The following TENM3 variants were observed in gnomAD, a reference collection of about 807,000 sequenced individuals.
TENM3 encodes teneurin transmembrane protein 3.
Under a neutral mutation model 255.1 loss-of-function variants are expected in TENM3, and 63 were observed. The observed-to-expected ratio is 0.25, with a 90% CI of 0.20 to 0.30. The LOEUF (loss-of-function observed/expected upper bound fraction) is 0.30. TENM3 is among the 10% of genes least tolerant of loss of function. The pLI is 1.00. For synonymous variants in TENM3, 1,306 were observed against 1,322.3 expected (o/e 0.99, Z 0.27); for missense variants, 2,929 against 3,461.1 (o/e 0.85, Z 3.86).
At chr4:181,652,895 G>C in the TENM3 span, among the ~76,000 whole-genome samples, 1 of 152,068 alleles carries the variant, frequency 6.6e-6, no homozygotes, top group Non-Finnish European at 1.5e-5. Flanking sequence ...TGTGACCTTT[G>C]CCAAGATCTT....
chr4:182,676,575 A>G (rs1258139698), intron 7 of TENM3, among the ~76,000 whole-genome samples: 1 of 152,236 alleles, frequency 6.6e-6, no homozygotes, highest in Non-Finnish European at 1.5e-5. Context: ...CATAGATTCT[A>G]AGAACTCATC....
chr4:182,500,053 C>T (rs926653256), intron 3 of TENM3, among the ~76,000 whole-genome samples: 7 of 152,158 alleles, frequency 4.6e-5, no homozygotes, highest in Non-Finnish European at 1.0e-4. Flanking sequence ...GTTTATATAA[C>T]CATCAAAATA....
intron 1 of TENM3, among the ~76,000 whole-genome samples, chr4:182,195,023 T>TCACA (rs70954299): frequency 0.059 from 8,644 of 146,920 alleles, 273 homozygotes; most frequent in Non-Finnish European, 0.078. Flanking sequence ...ACAGTCTCTA[T>TCACA]CACACACACA....
chr4:182,535,735 A>G (rs913226967), intron 3 of TENM3, among the ~76,000 whole-genome samples: 3 of 151,460 alleles, frequency 2.0e-5, no homozygotes, highest in Admixed American at 1.3e-4. Context: ...GTGAGACCCT[A>G]TGTCAAAAAA....
At chr4:182,191,972 A>T (rs1753552048) in intron 1 of TENM3, among the ~76,000 whole-genome samples, 1 of 152,212 alleles carries the variant, frequency 6.6e-6, no homozygotes, top group Non-Finnish European at 1.5e-5. Context: ...AGATGCAGCA[A>T]AGTATGGTCC....
At chr4:181,954,216 A>C in the TENM3 span, among the ~76,000 whole-genome samples, 1 of 152,174 alleles carries the variant, frequency 6.6e-6, no homozygotes, top group Non-Finnish European at 1.5e-5. Context: ...TCTACTGTGC[A>C]TAGAGTTGCT....
chr4:181,724,471 A>G, the TENM3 span, among the ~76,000 whole-genome samples: 1 of 152,070 alleles, frequency 6.6e-6, no homozygotes, highest in Non-Finnish European at 1.5e-5. Context: ...CATTTCTGCC[A>G]TCATATTTGT....
chr4:181,929,126 G>T, the TENM3 span, among the ~76,000 whole-genome samples: 1 of 151,986 alleles, frequency 6.6e-6, no homozygotes, highest in Non-Finnish European at 1.5e-5. Flanking sequence ...TCAACCAACT[G>T]GCAAAATAAC....
chr4:181,917,567 C>T, the TENM3 span, among the ~76,000 whole-genome samples: 78 of 151,994 alleles, frequency 5.1e-4, no homozygotes, highest in Admixed American at 1.4e-3. Flanking sequence ...GAGTTCTGCA[C>T]CAGCACTCTA....
intron 1 of TENM3, among the ~76,000 whole-genome samples, chr4:182,197,682 T>C (rs1444218655): frequency 6.6e-6 from 1 of 152,236 alleles, no homozygotes; most frequent in Admixed American, 6.5e-5. Flanking sequence ...ACAATAACTT[T>C]AGTTTTGTCA....
chr4:181,586,400 C>G, the TENM3 span, among the ~76,000 whole-genome samples: 1 of 152,132 alleles, frequency 6.6e-6, no homozygotes, highest in Non-Finnish European at 1.5e-5. Flanking sequence ...CTTCACATAA[C>G]TGTTATGAGG....
chr4:181,477,053 A>C, the TENM3 span, among the ~76,000 whole-genome samples: 2 of 142,496 alleles, frequency 1.4e-5, no homozygotes, highest in Non-Finnish European at 3.0e-5. Context: ...AAGAGAAGAA[A>C]GGAAAACCCA....
At chr4:182,462,575 C>T (rs1011989156) in intron 3 of TENM3, among the ~76,000 whole-genome samples, 3 of 151,726 alleles carry the variant, frequency 2.0e-5, no homozygotes, top group African/African-American at 7.3e-5. Context: ...AGTTCAAGTT[C>T]TTATGGCATT....
At chr4:182,039,317 A>G in the TENM3 span, among the ~76,000 whole-genome samples, 15,647 of 152,142 alleles carry the variant, frequency 0.1, 875 homozygotes, top group East Asian at 0.15. Context: ...TTCCCTGCTC[A>G]GGAAACCACT....
At chr4:181,833,287 C>G in the TENM3 span, among the ~76,000 whole-genome samples, 1 of 152,206 alleles carries the variant, frequency 6.6e-6, no homozygotes, top group Non-Finnish European at 1.5e-5. Flanking sequence ...TTCCAGCTGT[C>G]AAATCTCTAC....
At chr4:182,331,023 CAT>C (rs1763716285) in intron 2 of TENM3, among the ~76,000 whole-genome samples, 3 of 152,214 alleles carry the variant, frequency 2.0e-5, no homozygotes, top group South Asian at 4.2e-4. Context: ...CAATGACAAA[CAT>C]ATATTTGAAT....
At chr4:181,863,571 T>C in the TENM3 span, among the ~76,000 whole-genome samples, 72 of 152,252 alleles carry the variant, frequency 4.7e-4, no homozygotes, top group African/African-American at 1.7e-3. Flanking sequence ...CTCTGCAATA[T>C]ACAAACAAGT....
chr4:182,350,897 A>C (rs189510243), intron 3 of TENM3, among the ~76,000 whole-genome samples: 381 of 151,950 alleles, frequency 2.5e-3, no homozygotes, highest in African/African-American at 7.8e-3. Context: ...GTTGGCCAGG[A>C]TGGTCTCAAT....
Position 182,305,306 on chromosome 4 carries a change from T to C in TENM3, c.-75-18640T>C, listed in dbSNP as rs1254771457. 2.6e-5 allele frequency among the ~76,000 whole-genome samples: 4 copies of C among 152,188 alleles called. No individual in the cohort carries two copies. In the South Asian group the frequency reaches 6.2e-4, roughly 24 times the overall value. ...AAGACAGCTTTTGTTTCTTTATCAA[T>C]ACTGTAAGGTGCTGATTTACTGTAA... On this transcript the variant is annotated intron_variant, in intron 1 of 27. Transcript: ENST00000511685.
Sources: gnomAD v4.1 joint callset for allele counts (sites outside exome capture counted in the v4.1 genomes callset) on GRCh38, gnomAD v4.1.1 for gene constraint, MANE v1.5 for transcripts, NCBI Gene and HGNC (gene_info 2026-07-23, HGNC 2026-07-21) for gene names.